The following NCAM2 variants were observed in gnomAD, a reference collection of about 807,000 sequenced individuals.
NCAM2 encodes the protein N-CAM-2.
NCAM2 carries 30 observed loss-of-function variants against 98.1 expected under a neutral mutation model. That is an observed-to-expected ratio of 0.31 (90% CI 0.23 to 0.41). The LOEUF (loss-of-function observed/expected upper bound fraction) is 0.41. Among genes scored for constraint, NCAM2 ranks in the 10% least tolerant of loss-of-function variants. The pLI, the probability that NCAM2 is intolerant of heterozygous loss-of-function variation, is 1.00. For synonymous variants in NCAM2, 368 were observed against 342.4 expected (o/e 1.07, Z -0.83); for missense variants, 867 against 1,005.8 (o/e 0.86, Z 1.87).
intron 1 of NCAM2, among the ~76,000 whole-genome samples, chr21:21,187,418 A>G (rs1349397874): frequency 2.6e-5 from 4 of 151,850 alleles, no homozygotes; most frequent in Admixed American, 6.6e-5. Context: ...TTAGCCTCCA[A>G]CCTCCATATT....
At chr21:21,345,601 A>C (rs2075166049) in intron 8 of NCAM2, among the ~76,000 whole-genome samples, 1 of 152,044 alleles carries the variant, frequency 6.6e-6, no homozygotes, top group African/African-American at 2.4e-5. Flanking sequence ...AAAAAAAATG[A>C]AGCATGCCTA....
intron 1 of NCAM2, among the ~76,000 whole-genome samples, chr21:20,999,905 G>A (rs2063988322): frequency 6.6e-6 from 1 of 152,170 alleles, no homozygotes; most frequent in Non-Finnish European, 1.5e-5. Context: ...CAGCTATAGT[G>A]TTAGTGGCGG....
chr21:21,489,128 G>A (rs1986638681), intron 15 of NCAM2, among the ~76,000 whole-genome samples: 1 of 151,878 alleles, frequency 6.6e-6, no homozygotes, highest in African/African-American at 2.4e-5. Context: ...GTAGCTGGGT[G>A]TGCTACTAGG....
intron 8 of NCAM2, among the ~76,000 whole-genome samples, chr21:21,340,976 T>G (rs1402039502): frequency 1.3e-5 from 2 of 152,078 alleles, no homozygotes; most frequent in Non-Finnish European, 2.9e-5. Flanking sequence ...CATATCAATG[T>G]TTATCATATT....
intron 11 of NCAM2, among the ~76,000 whole-genome samples, chr21:21,421,091 T>C (rs996787448): frequency 1.3e-5 from 2 of 151,834 alleles, no homozygotes; most frequent in African/African-American, 2.4e-5. Flanking sequence ...TCGTAAATGA[T>C]GTGTTTTTCG....
At chr21:21,237,056 C>A (rs2070860934) in intron 1 of NCAM2, among the ~76,000 whole-genome samples, 1 of 152,096 alleles carries the variant, frequency 6.6e-6, no homozygotes, top group South Asian at 2.1e-4. Context: ...TTTATCCCTG[C>A]TTTCTCTGCT....
chr21:21,530,330 A>AT (rs1989616417), intron 16 of NCAM2, among the ~76,000 whole-genome samples: 2 of 26,020 alleles, frequency 7.7e-5, no homozygotes, highest in Non-Finnish European at 1.8e-4. Flanking sequence ...AAATTAAATT[A>AT]AATTATACAT....
chr21:21,243,117 G>A (rs1229139841), intron 1 of NCAM2, among the ~76,000 whole-genome samples: 1 of 152,124 alleles, frequency 6.6e-6, no homozygotes, highest in Non-Finnish European at 1.5e-5. Context: ...AAAACCCATA[G>A]GGCAAAATAC....
At chr21:21,205,149 A>G (rs1258676225) in intron 1 of NCAM2, among the ~76,000 whole-genome samples, 2 of 152,182 alleles carry the variant, frequency 1.3e-5, no homozygotes, top group African/African-American at 2.4e-5. Context: ...TCTACCATTA[A>G]TGGTGTGGAT....
rs2070354254 is a variant in NCAM2, at chr21:21,225,692, A to G, written c.56-54886A>G. On this transcript the variant is annotated intron_variant, in intron 1 of 17. Transcript: ENST00000400546. The stretch of plus-strand genomic sequence containing the variant: ...ATATTTACTCATAAATTTCACCTAA[A>G]ATTAAAGTTGTAAATTATGCAGCAA... Among the ~76,000 whole-genome samples the G allele has an allele frequency of 1.3e-5, 2 of 152,038 alleles. 1 individual carries two copies. Among genetic ancestry groups the G allele is most frequent in the Admixed American group, 1.3e-4 (2 of 15,226 alleles).
chr21:21,043,850 C>CAAAAAAAAAAAA (rs72473034), intron 1 of NCAM2, among the ~76,000 whole-genome samples: 1 of 119,930 alleles, frequency 8.3e-6, no homozygotes, highest in Non-Finnish European at 1.7e-5. Flanking sequence ...GAGACTCCGT[C>CAAAAAAAAAAAA]AAAAAAAAAA....
chr21:21,171,952 TTA>T (rs1304614613), intron 1 of NCAM2, among the ~76,000 whole-genome samples: 1 of 152,158 alleles, frequency 6.6e-6, no homozygotes, highest in East Asian at 1.9e-4. Flanking sequence ...CTTCAGTCCC[TTA>T]TGTTTTAAAA....
chr21:21,382,029 TCTC>T (rs1163022817), intron 9 of NCAM2, among the ~76,000 whole-genome samples: 1 of 152,172 alleles, frequency 6.6e-6, no homozygotes, highest in Non-Finnish European at 1.5e-5. Context: ...TATCTTCTAG[TCTC>T]CTCTGTTTTC....
At chr21:21,400,369 A>C (rs1272648318) in intron 9 of NCAM2, among the ~76,000 whole-genome samples, 1 of 152,176 alleles carries the variant, frequency 6.6e-6, no homozygotes, top group Non-Finnish European at 1.5e-5. Flanking sequence ...AAAAGAGCAT[A>C]GTTCCTTGTT....
At chr21:21,376,560 G>T (rs1268598847) in intron 9 of NCAM2, among the ~76,000 whole-genome samples, 1 of 151,782 alleles carries the variant, frequency 6.6e-6, no homozygotes, top group African/African-American at 2.4e-5. Context: ...ATTGGTTTTA[G>T]CTGGGTAGAA....
At chr21:21,084,860 A>G (rs1211234010) in intron 1 of NCAM2, among the ~76,000 whole-genome samples, 1 of 152,216 alleles carries the variant, frequency 6.6e-6, no homozygotes, top group Non-Finnish European at 1.5e-5. Flanking sequence ...CTTAGGGCTT[A>G]TAGTAAAAAT....
At chr21:21,331,517 C>CTCTCTCTCTCTCTCTCTCTATATATA (rs1483062198) in intron 6 of NCAM2, among the ~76,000 whole-genome samples, 2 of 6,936 alleles carry the variant, frequency 2.9e-4, no homozygotes, top group East Asian at 2.3e-3. Context: ...CTCTCTCTCT[C>CTCTCTCTCTCTCTCTCTCTATATATA]TATATATATA....
chr21:21,377,575 G>A (rs1443063396), intron 9 of NCAM2, among the ~76,000 whole-genome samples: 3 of 151,640 alleles, frequency 2.0e-5, no homozygotes, highest in African/African-American at 4.8e-5. Flanking sequence ...TTTTTGATTG[G>A]CCAACAATAA....
chr21:21,491,815 A>C (rs926004347), intron 15 of NCAM2, among the ~76,000 whole-genome samples: 14 of 151,758 alleles, frequency 9.2e-5, no homozygotes, highest in African/African-American at 3.4e-4. Flanking sequence ...TTTCAAAATG[A>C]AAATTTTAAT....
Sources: allele counts gnomAD v4.1 joint callset (sites outside exome capture counted in the v4.1 genomes callset), GRCh38; gene constraint gnomAD v4.1.1; transcripts MANE v1.5; gene names NCBI Gene and HGNC (gene_info 2026-07-23, HGNC 2026-07-21).